The following FAAH2 variants were observed in gnomAD, a reference collection of about 807,000 sequenced individuals.
FAAH2 encodes fatty-acid amide hydrolase 2.
A neutral mutation model predicts 36.9 loss-of-function variants in FAAH2; 60 were observed. That is an observed-to-expected ratio of 1.63 (90% CI 1.32 to 2.02). The LOEUF is 2.02. Among genes scored for constraint, FAAH2 ranks in the 30% most tolerant of loss-of-function variants. The pLI is 0.00. For missense variants in FAAH2, 689 were observed against 397.5 expected (o/e 1.73, Z -6.23); for synonymous variants, 214 against 143.8 (o/e 1.49, Z -3.49).
chrX:57,275,261 G>T, the FAAH2 span, among the ~76,000 whole-genome samples: 23 of 112,346 alleles, frequency 2.0e-4, no homozygotes, highest in Admixed American at 1.4e-3. Flanking sequence ...AAAGAGGAGA[G>T]AAACAAACTT....
chrX:57,217,597 T>G, the FAAH2 span, among the ~76,000 whole-genome samples: 1 of 111,680 alleles, frequency 9.0e-6, no homozygotes, highest in African/African-American at 3.3e-5. Context: ...GCTGTAAGCA[T>G]TTTGGTTTAT....
chrX:57,465,414 A>C (rs2057031454), intron 10 of FAAH2, among the ~76,000 whole-genome samples: 1 of 111,589 alleles, frequency 9.0e-6, no homozygotes. Flanking sequence ...TATCCACCCT[A>C]AATAAATGAA....
intron 5 of FAAH2, among the ~76,000 whole-genome samples, chrX:57,362,677 G>C (rs979714546): frequency 2.7e-5 from 3 of 111,748 alleles, no homozygotes; most frequent in Non-Finnish European, 5.6e-5. Context: ...TTTTCCAAAG[G>C]ATGATGTCCA....
chrX:57,135,441 C>G, the FAAH2 span: 1 of 195,801 alleles, frequency 5.1e-6, no homozygotes, highest in Admixed American at 7.2e-5. Context: ...TCACCTCCTC[C>G]TCTCTCCCCA....
At chrX:57,411,237 C>CT (rs746983689) in intron 7 of FAAH2, among the ~76,000 whole-genome samples, 22 of 112,180 alleles carry the variant, frequency 2.0e-4, no homozygotes, top group African/African-American at 6.8e-4. Flanking sequence ...ACCTGGTGCT[C>CT]TGACCATCCC....
chrX:57,187,597 A>G, the FAAH2 span, among the ~76,000 whole-genome samples: 1 of 111,030 alleles, frequency 9.0e-6, no homozygotes, highest in African/African-American at 3.3e-5. Context: ...AACTTCCAAT[A>G]CTATATTGAA....
At chrX:57,171,591 C>T in the FAAH2 span, among the ~76,000 whole-genome samples, 1 of 111,054 alleles carries the variant, frequency 9.0e-6, no homozygotes, top group African/African-American at 3.3e-5. Flanking sequence ...TCATTTGCCC[C>T]CTTTTTAATA....
intron 7 of FAAH2, among the ~76,000 whole-genome samples, chrX:57,383,999 G>C (rs2054934878): frequency 1.8e-5 from 2 of 111,579 alleles, no homozygotes; most frequent in African/African-American, 6.5e-5. Flanking sequence ...GAACAGAACA[G>C]AGCCCTCAGA....
At chrX:57,252,974 A>C in the FAAH2 span, among the ~76,000 whole-genome samples, 6 of 111,933 alleles carry the variant, frequency 5.4e-5, no homozygotes, top group Non-Finnish European at 1.1e-4. Context: ...CTCCGAGCTA[A>C]AGGAGCATGA....
Position 57,318,050 on chromosome X carries a change from G to A in FAAH2, c.412+7321G>A, listed in dbSNP as rs749186481. ...AAATTTATAGCACTAAATGCCCAAA[G>A]GAGAAAGTAGGAAAGATCTAAAATT... is the stretch of plus-strand genomic sequence containing the variant. On this transcript the variant is annotated intron_variant, in intron 3 of 10. Transcript: ENST00000374900. 9.0e-5 allele frequency among the ~76,000 whole-genome samples: 10 copies of A among 111,350 alleles called. No individual in the cohort carries two copies. In the South Asian group the frequency reaches 3.4e-3, roughly 37 times the overall value.
rs2053414047 is a variant in FAAH2, at chrX:57,331,750, A to T, written c.565A>T (p.Ile189Phe). The T allele has an allele frequency of 1.1e-5, 13 of 1,209,581 alleles. No individual in the cohort carries two copies. The highest frequency in any genetic ancestry group is 1.5e-5 in the Non-Finnish European group (13 of 895,205). The change falls in exon 4 of 11, where the codon ATC becomes TTC. Residue 189 changes from isoleucine to phenylalanine, a missense_variant. By Grantham distance (21) the Ile-to-Phe change is conservative. Coordinates refer to ENST00000374900, the MANE Select transcript of FAAH2 (RefSeq NM_174912.4). ...LCMWYESSNK[I>F]YGRSNNPYDL... ...TATGTGGTATGAATCCAGTAACAAG[A>T]TCTATGGCCGATCAAACAACCCATA...
In FAAH2 at chrX:57,488,778, T is replaced by G. The variant is rs1264987729; in HGVS notation, c.1445T>G (p.Leu482Trp). Reference protein sequence around the residue: ...AYTGVFSALGLPVTQCPLGLN... With the variant: ...AYTGVFSALGWPVTQCPLGLN... ...TCAGGTGTCTTCAGTGCCCTGGGTT[T>G]GCCTGTGACCCAATGCCCACTGGGA... The change falls in exon 11 of 11, where the codon TTG becomes TGG. Residue 482 changes from leucine to tryptophan, a missense_variant. Physicochemically the swap from Leu to Trp is moderately conservative, Grantham distance 61. Transcript: ENST00000374900. 1 of 1,210,995 alleles carries G rather than the reference T, an allele frequency of 8.3e-7. No homozygotes were observed. The highest frequency in any genetic ancestry group is 1.8e-5 in the South Asian group (1 of 56,723).
the FAAH2 span, among the ~76,000 whole-genome samples, chrX:57,131,538 T>C: frequency 8.9e-6 from 1 of 111,921 alleles, no homozygotes; most frequent in South Asian, 3.8e-4. Flanking sequence ...TCTAGCCATG[T>C]CCTCCAGTTC....
At chrX:57,212,453 G>A in the FAAH2 span, among the ~76,000 whole-genome samples, 2 of 111,681 alleles carry the variant, frequency 1.8e-5, no homozygotes, top group Non-Finnish European at 3.8e-5. Flanking sequence ...AATCTGAAAA[G>A]TAACAGAATA....
chrX:57,352,484 A>G (rs2054049395), intron 5 of FAAH2, among the ~76,000 whole-genome samples: 1 of 110,191 alleles, frequency 9.1e-6, no homozygotes, highest in African/African-American at 3.3e-5. Flanking sequence ...AAGGCCACAT[A>G]TGACAACCCA....
chrX:57,144,242 A>G, the FAAH2 span, among the ~76,000 whole-genome samples: 1 of 110,143 alleles, frequency 9.1e-6, no homozygotes, highest in South Asian at 3.9e-4. Flanking sequence ...AGGATCCTTT[A>G]TTTGTCCTTG....
At chrX:57,161,718 T>C in the FAAH2 span, among the ~76,000 whole-genome samples, 1 of 111,746 alleles carries the variant, frequency 8.9e-6, no homozygotes, top group Admixed American at 9.5e-5. Context: ...GCTTGGTAGA[T>C]CTTCCCCCAT....
At chrX:57,371,021 G>A (rs1440778915) in intron 5 of FAAH2, among the ~76,000 whole-genome samples, 1 of 112,128 alleles carries the variant, frequency 8.9e-6, no homozygotes, top group African/African-American at 3.2e-5. Context: ...CTTGTCAACA[G>A]CATGTGGAAG....
intron 7 of FAAH2, among the ~76,000 whole-genome samples, chrX:57,409,225 T>C (rs1297373026): frequency 8.9e-6 from 1 of 112,066 alleles, no homozygotes; most frequent in African/African-American, 3.2e-5. Flanking sequence ...ATTGTTGTAT[T>C]AAAACATCTA....
Sources: allele counts gnomAD v4.1 joint callset (sites outside exome capture counted in the v4.1 genomes callset), GRCh38; gene constraint gnomAD v4.1.1; transcripts MANE v1.5; gene names NCBI Gene and HGNC (gene_info 2026-07-23, HGNC 2026-07-21).